GRIK4: variants seen among roughly 807,000 people sequenced by gnomAD.
GRIK4 encodes the protein glutamate receptor ionotropic, kainate 4.
In GRIK4, 40 loss-of-function variants were observed where a neutral mutation model predicts 104.9. The ratio of observed to expected loss-of-function variants is 0.38; its 90% CI spans 0.30 to 0.50. The LOEUF (loss-of-function observed/expected upper bound fraction) is 0.50. Among genes scored for constraint, GRIK4 ranks in the 20% least tolerant of loss-of-function variants. GRIK4 has a pLI of 0.93. For synonymous variants in GRIK4, 485 were observed against 524.9 expected (o/e 0.92, Z 1.04); for missense variants, 1,047 against 1,308.1 (o/e 0.80, Z 3.08).
intron 13 of GRIK4, among the ~76,000 whole-genome samples, chr11:120,921,061 G>A (rs905439082): frequency 7.9e-5 from 12 of 152,136 alleles, no homozygotes; most frequent in African/African-American, 2.7e-4. Flanking sequence ...CATTATCTCT[G>A]TCTAAGCCTG....
intron 1 of GRIK4, among the ~76,000 whole-genome samples, chr11:120,628,408 A>C (rs573054052): frequency 6.6e-6 from 1 of 152,284 alleles, no homozygotes; most frequent in African/African-American, 2.4e-5. Flanking sequence ...TAGCGGAAAC[A>C]AGGATGTGAC....
intron 1 of GRIK4, among the ~76,000 whole-genome samples, chr11:120,546,236 A>T (rs1948084382): frequency 6.6e-6 from 1 of 151,962 alleles, no homozygotes; most frequent in Non-Finnish European, 1.5e-5. Flanking sequence ...GTTCCTGTTG[A>T]ATTGGTTCGC....
chr11:120,940,985 G>C lies in GRIK4; in HGVS notation c.1590+525G>C, dbSNP rs961697066. Among the ~76,000 whole-genome samples the C allele has an allele frequency of 6.6e-6, 1 of 152,218 alleles. No homozygotes were observed. The highest frequency in any genetic ancestry group is 1.5e-5 in the Non-Finnish European group (1 of 68,036). ...CCCATCAGAAAGACTCCTCTGGCTA[G>C]GTAGGCCAGGGTGAGTGTCACAGTG... On this transcript the variant is annotated intron_variant, in intron 14 of 20. Coordinates refer to ENST00000527524, the MANE Select transcript of GRIK4 (RefSeq NM_014619.5). This position sits in a 1 kb window ranked among gnomAD's most constrained non-coding sequence, Gnocchi z 4.3.
At chr11:120,625,547 T>G (rs144969221) in intron 1 of GRIK4, among the ~76,000 whole-genome samples, 1 of 152,212 alleles carries the variant, frequency 6.6e-6, no homozygotes, top group East Asian at 1.9e-4. Flanking sequence ...GAGATGCTGA[T>G]TAGTCAGCTC....
At chr11:120,793,850 G>A (rs1160159976) in intron 3 of GRIK4, among the ~76,000 whole-genome samples, 1 of 150,148 alleles carries the variant, frequency 6.7e-6, no homozygotes, top group African/African-American at 2.5e-5. Context: ...GAGGGGAAGG[G>A]CAGTGTTAGG....
intron 3 of GRIK4, among the ~76,000 whole-genome samples, chr11:120,789,666 G>C (rs1346153820): frequency 6.6e-6 from 1 of 152,016 alleles, no homozygotes; most frequent in Non-Finnish European, 1.5e-5. Flanking sequence ...CTCCATCCCA[G>C]TTCACCAGTG....
At chr11:120,625,858 G>C (rs1949252517) in intron 1 of GRIK4, among the ~76,000 whole-genome samples, 1 of 151,790 alleles carries the variant, frequency 6.6e-6, no homozygotes, top group Non-Finnish European at 1.5e-5. Flanking sequence ...GGAGGTGTCA[G>C]TGATGGCCAC....
chr11:120,546,244 C>T (rs139330718), intron 1 of GRIK4, among the ~76,000 whole-genome samples: 29 of 152,280 alleles, frequency 1.9e-4, no homozygotes, highest in East Asian at 9.7e-4. Flanking sequence ...TGAATTGGTT[C>T]GCCCCCAGTT....
chr11:120,731,378 T>G (rs573998896), intron 3 of GRIK4, among the ~76,000 whole-genome samples: 5 of 152,312 alleles, frequency 3.3e-5, no homozygotes, highest in Admixed American at 6.5e-5. Context: ...GTTGCTTGAT[T>G]GTCATATGTT....
rs1244740481 is a variant in GRIK4 at position 120,905,433 on chromosome 11, G to A, written c.1416G>A (p.Val472=). The part of the protein sequence containing the change: ...NYKIRLVGDG[V]YGVPEANGTW... ...AGATCCGCCTGGTTGGGGATGGCGT[G>A]TACGGCGTTCCCGAGGCCAACGGCA... The change falls in exon 13 of 21, where the codon GTG becomes GTA. Residue 472 remains valine (V), a synonymous_variant. Transcript: ENST00000527524. This position sits in a 1 kb window ranked among gnomAD's most constrained non-coding sequence, Gnocchi z 5.1. 81 of 1,599,888 alleles carry A rather than the reference G, an allele frequency of 5.1e-5. No homozygotes were observed. The highest frequency in any genetic ancestry group is 6.7e-5 in the Non-Finnish European group (79 of 1,170,854).
chr11:120,848,883 G>A (rs1040062181), intron 8 of GRIK4, among the ~76,000 whole-genome samples: 15 of 152,242 alleles, frequency 9.9e-5, no homozygotes, highest in Admixed American at 3.9e-4. Context: ...ATTCCTAACC[G>A]AGGGGGACAG....
chr11:120,917,017 G>A (rs912857433), intron 13 of GRIK4, among the ~76,000 whole-genome samples: 4 of 151,860 alleles, frequency 2.6e-5, no homozygotes, highest in African/African-American at 2.4e-5. Context: ...AGGCCGAGGC[G>A]AGCGGATCAC....
At chr11:120,743,361 G>C (rs185953734) in intron 3 of GRIK4, among the ~76,000 whole-genome samples, 1 of 152,254 alleles carries the variant, frequency 6.6e-6, no homozygotes, top group East Asian at 1.9e-4. Flanking sequence ...TTTTAAGTGG[G>C]AGCTAAATGA....
At chr11:120,653,604 A>G (rs151239400) in intron 1 of GRIK4, 81 bp from the exon 2 acceptor site, 75 of 152,370 alleles carry the variant, frequency 4.9e-4, no homozygotes, top group African/African-American at 1.7e-3. Flanking sequence ...AGTGACACCA[A>G]ATACCACTCA....
intron 3 of GRIK4, among the ~76,000 whole-genome samples, chr11:120,739,145 A>G (rs1347553538): frequency 6.6e-6 from 1 of 152,142 alleles, no homozygotes; most frequent in Non-Finnish European, 1.5e-5. Context: ...CCCCTCCTGT[A>G]GCCACCTGCC....
chr11:120,548,300 G>C (rs1229430447), intron 1 of GRIK4, among the ~76,000 whole-genome samples: 3 of 152,224 alleles, frequency 2.0e-5, no homozygotes, highest in East Asian at 3.9e-4. Flanking sequence ...TCTGATTTGG[G>C]GGTGGGGTAG....
At chr11:120,857,954 GTCTC>G (rs1028611015) in intron 8 of GRIK4, among the ~76,000 whole-genome samples, 91 of 152,296 alleles carry the variant, frequency 6.0e-4, no homozygotes, top group Middle Eastern at 3.4e-3. Context: ...CCTGGTCCTG[GTCTC>G]TGCCCCACCA....
At chr11:120,605,386 A>AG (rs1491471518) in intron 1 of GRIK4, among the ~76,000 whole-genome samples, 1 of 152,262 alleles carries the variant, frequency 6.6e-6, no homozygotes, top group African/African-American at 2.4e-5. Context: ...AATTAGGCAC[A>AG]GGGGACAAAA....
chr11:120,949,007 G>A (rs1943934328), intron 14 of GRIK4, among the ~76,000 whole-genome samples: 1 of 152,196 alleles, frequency 6.6e-6, no homozygotes, highest in African/African-American at 2.4e-5. Context: ...CAGAGTCTGG[G>A]TTTTATTCAC....
Sources: allele counts gnomAD v4.1 joint callset (sites outside exome capture counted in the v4.1 genomes callset), GRCh38; gene constraint gnomAD v4.1.1; non-coding constraint Gnocchi (gnomAD v3.1); transcripts MANE v1.5; gene names NCBI Gene and HGNC (gene_info 2026-07-23, HGNC 2026-07-21).